Variants in PTPRD observed in about 807,000 individuals in gnomAD.
The protein encoded by PTPRD is protein tyrosine phosphatase receptor type D, also known as receptor-type tyrosine-protein phosphatase delta.
A neutral mutation model predicts 214.5 loss-of-function variants in PTPRD; 34 were observed. That is an observed-to-expected ratio of 0.16 (90% CI 0.12 to 0.21). The LOEUF (loss-of-function observed/expected upper bound fraction) is 0.21, where lower values mean the gene tolerates loss of function less well. Among genes scored for constraint, PTPRD ranks in the 10% least tolerant of loss-of-function variants. PTPRD has a pLI of 1.00. For missense variants in PTPRD, 2,545 were observed against 2,398.7 expected (o/e 1.06, Z -1.27); for synonymous variants, 1,128 against 845.7 (o/e 1.33, Z -5.79).
intron 3 of PTPRD, among the ~76,000 whole-genome samples, chr9:10,177,320 A>G (rs2154302851): frequency 6.6e-6 from 1 of 151,918 alleles, no homozygotes; most frequent in South Asian, 2.1e-4. Context: ...TAATAAATCC[A>G]GAGTGGCACA....
intron 5 of PTPRD, among the ~76,000 whole-genome samples, chr9:9,810,774 G>C (rs570635083): frequency 1.3e-5 from 2 of 151,914 alleles, no homozygotes; most frequent in African/African-American, 4.8e-5. Context: ...TTGACTCTCA[G>C]GTCTTATTGT....
In PTPRD at chr9:8,412,311, T is replaced by C. The variant is rs1228780760; in HGVS notation, c.4087-7651A>G. Among the ~76,000 whole-genome samples the C allele has an allele frequency of 3.9e-5, 6 of 152,266 alleles. No homozygotes were observed. In the South Asian group the frequency reaches 6.2e-4, roughly 16 times the overall value. On this transcript the variant is annotated intron_variant, in intron 35 of 45. Coordinates refer to ENST00000381196, the MANE Select transcript of PTPRD (RefSeq NM_002839.4). ...AAGAGTATGGCAACATTAAAGAGAA[T>C]ATTATTGAGTATAGGTAACAGACAA...
intron 10 of PTPRD, among the ~76,000 whole-genome samples, chr9:9,038,705 C>T (rs926452340): frequency 1.3e-5 from 2 of 151,918 alleles, no homozygotes; most frequent in African/African-American, 4.8e-5. Context: ...CAGATGCCTA[C>T]CACCACGCCC....
chr9:8,574,275 C>T (rs1004009274), intron 14 of PTPRD, among the ~76,000 whole-genome samples: 7 of 151,928 alleles, frequency 4.6e-5, no homozygotes, highest in Non-Finnish European at 8.8e-5. Flanking sequence ...CCATAATGAA[C>T]ACTCTTTGGC....
intron 3 of PTPRD, among the ~76,000 whole-genome samples, chr9:10,041,880 T>A (rs1434770218): frequency 2.6e-5 from 4 of 152,040 alleles, no homozygotes; most frequent in Non-Finnish European, 5.9e-5. Context: ...ATCCTAAATA[T>A]AACATATGAT....
intron 2 of PTPRD, among the ~76,000 whole-genome samples, chr9:10,561,935 A>G (rs2064085665): frequency 2.0e-5 from 3 of 152,290 alleles, no homozygotes; most frequent in African/African-American, 7.2e-5. Context: ...AGGTCAATTA[A>G]TGCCACAGAA....
chr9:9,224,050 G>C (rs1238364168), intron 9 of PTPRD, among the ~76,000 whole-genome samples: 1 of 151,958 alleles, frequency 6.6e-6, no homozygotes. Context: ...TGTTGGTTTT[G>C]TACAAGGCCA....
At chr9:9,160,897 T>C (rs1041647397) in intron 10 of PTPRD, among the ~76,000 whole-genome samples, 2 of 152,146 alleles carry the variant, frequency 1.3e-5, no homozygotes, top group African/African-American at 4.8e-5. Context: ...ACCTGGAGGA[T>C]ATTATGCTAA....
chr9:10,363,679 T>C (rs191226391), intron 2 of PTPRD, among the ~76,000 whole-genome samples: 3 of 152,318 alleles, frequency 2.0e-5, no homozygotes, highest in African/African-American at 7.2e-5. Context: ...ATCATCCACG[T>C]CAACATTTTT....
In PTPRD at chr9:8,885,619, C is replaced by T. The variant is rs796242129; in HGVS notation, c.-104+133078G>A. On this transcript the variant is annotated intron_variant, in intron 11 of 45. Transcript: ENST00000381196. ...TCAAGCAATTCTCATGCCTCAGCTTCCCTAGTAGCTGGGATTATGGGTGCC... is the reference window on the plus strand; with the variant it reads ...TCAAGCAATTCTCATGCCTCAGCTTTCCTAGTAGCTGGGATTATGGGTGCC... Among the ~76,000 whole-genome samples the T allele has an allele frequency of 5.3e-5, 8 of 150,874 alleles. 1 individual carries two copies. The highest frequency in any genetic ancestry group is 1.9e-4 in the African/African-American group (8 of 41,076).
chr9:9,956,733 T>G (rs2093959541), intron 4 of PTPRD, among the ~76,000 whole-genome samples: 3 of 152,092 alleles, frequency 2.0e-5, no homozygotes, highest in African/African-American at 7.2e-5. Flanking sequence ...TACCTAGTAA[T>G]AGAGACAGAT....
At chr9:10,085,125 T>C (rs1281801456) in intron 3 of PTPRD, among the ~76,000 whole-genome samples, 1 of 151,942 alleles carries the variant, frequency 6.6e-6, no homozygotes, top group Non-Finnish European at 1.5e-5. Context: ...CATTCTCTTT[T>C]AATATTTCTA....
chr9:9,475,969 G>A (rs941717266), intron 8 of PTPRD, among the ~76,000 whole-genome samples: 6 of 151,776 alleles, frequency 4.0e-5, no homozygotes, highest in African/African-American at 1.2e-4. Context: ...TAAAATCTTA[G>A]GTAGAACTCC....
intron 5 of PTPRD, among the ~76,000 whole-genome samples, chr9:9,859,355 G>T (rs915028531): frequency 1.3e-5 from 2 of 152,104 alleles, no homozygotes; most frequent in African/African-American, 2.4e-5. Context: ...CTGGACTATT[G>T]GTGTTGAGGA....
chr9:9,512,556 A>T (rs2096735218), intron 8 of PTPRD, among the ~76,000 whole-genome samples: 1 of 151,866 alleles, frequency 6.6e-6, no homozygotes, highest in Non-Finnish European at 1.5e-5. Flanking sequence ...CCAATCAAAA[A>T]CGTTAATAAC....
chr9:10,117,612 G>GTTTTTTTTTTTTTTTTTTT (rs35593505), intron 3 of PTPRD, among the ~76,000 whole-genome samples: 1 of 144,666 alleles, frequency 6.9e-6, no homozygotes, highest in Non-Finnish European at 1.5e-5. Flanking sequence ...AAATCTCCCC[G>GTTTTTTTTTTTTTTTTTTT]TTTTTTTTTT....
chr9:9,624,800 G>C (rs1386943642), intron 7 of PTPRD, among the ~76,000 whole-genome samples: 1 of 148,414 alleles, frequency 6.7e-6, no homozygotes, highest in Non-Finnish European at 1.5e-5. Flanking sequence ...TTTAGGTTAA[G>C]TTGTTACAAA....
At chr9:8,550,162 G>C (rs551882236) in intron 14 of PTPRD, among the ~76,000 whole-genome samples, 10 of 152,174 alleles carry the variant, frequency 6.6e-5, no homozygotes, top group South Asian at 2.1e-4. Flanking sequence ...AAAACAAAAA[G>C]TTGTTTTTCA....
At chr9:9,215,888 GGA>G (rs1259541402) in intron 9 of PTPRD, among the ~76,000 whole-genome samples, 1 of 152,164 alleles carries the variant, frequency 6.6e-6, no homozygotes, top group Admixed American at 6.5e-5. Flanking sequence ...GTCTGGTGGA[GGA>G]GACAGATTAG....
Sources: gnomAD v4.1 joint callset for allele counts (sites outside exome capture counted in the v4.1 genomes callset) on GRCh38, gnomAD v4.1.1 for gene constraint, MANE v1.5 for transcripts, NCBI Gene and HGNC (gene_info 2026-07-23, HGNC 2026-07-21) for gene names.